SKAP1: variants seen among roughly 807,000 people sequenced by gnomAD.
SKAP1 encodes the protein src kinase associated phosphoprotein 1.
Under a neutral mutation model 58.5 loss-of-function variants are expected in SKAP1, and 44 were observed. The ratio of observed to expected loss-of-function variants is 0.75; its 90% CI spans 0.59 to 0.97. SKAP1 has a LOEUF of 0.97. Among genes scored for constraint, SKAP1 ranks in the 50% least tolerant of loss-of-function variants. The pLI, the probability that SKAP1 is intolerant of heterozygous loss-of-function variation, is 0.00. For missense variants in SKAP1, 390 were observed against 435.2 expected, an observed-to-expected ratio of 0.90 and a Z score of 0.92; for synonymous variants, 127 against 149.7, an observed-to-expected ratio of 0.85 and a Z score of 1.11.
intron 4 of SKAP1, among the ~76,000 whole-genome samples, chr17:48,297,333 G>T (rs779984240): frequency 2.0e-5 from 3 of 151,970 alleles, no homozygotes; most frequent in Non-Finnish European, 4.4e-5. Flanking sequence ...TTGTAGATAC[G>T]GGTAAATATA....
intron 11 of SKAP1, among the ~76,000 whole-genome samples, chr17:48,144,185 G>A (rs1456615883): frequency 6.6e-6 from 1 of 152,180 alleles, no homozygotes; most frequent in Non-Finnish European, 1.5e-5. Context: ...GAGCCTGGGA[G>A]CTTAATCAAA....
chr17:48,436,629 A>G, the SKAP1 span, among the ~76,000 whole-genome samples: 1 of 151,992 alleles, frequency 6.6e-6, no homozygotes, highest in Admixed American at 6.6e-5. Context: ...GCCTGCTAAC[A>G]TCCTTGGTCT....
At chr17:48,147,744 T>C (rs2063849243) in intron 11 of SKAP1, among the ~76,000 whole-genome samples, 2 of 152,174 alleles carry the variant, frequency 1.3e-5, no homozygotes, top group South Asian at 4.1e-4. Flanking sequence ...TTACAATCTG[T>C]TTTAAGTTCT....
intron 4 of SKAP1, among the ~76,000 whole-genome samples, chr17:48,301,260 T>C (rs1207217566): frequency 2.0e-5 from 3 of 152,192 alleles, no homozygotes; most frequent in African/African-American, 7.2e-5. Context: ...CTACTGAAAC[T>C]GCTCCTTGGA....
chr17:48,265,998 A>T (rs1031526789), intron 4 of SKAP1, among the ~76,000 whole-genome samples: 7 of 152,008 alleles, frequency 4.6e-5, no homozygotes, highest in African/African-American at 1.7e-4. Flanking sequence ...CTCTCTTGGG[A>T]TATTTACTCA....
chr17:48,243,326 T>C (rs548765920), intron 4 of SKAP1, among the ~76,000 whole-genome samples: 22 of 152,306 alleles, frequency 1.4e-4, no homozygotes, highest in African/African-American at 5.1e-4. Context: ...AAGCCCATGA[T>C]TGGGTATTTT....
At chr17:48,332,693 T>C (rs1307707158) in intron 4 of SKAP1, among the ~76,000 whole-genome samples, 1 of 152,160 alleles carries the variant, frequency 6.6e-6, no homozygotes, top group African/African-American at 2.4e-5. Context: ...TCTGCAGATA[T>C]AGCTTTCATG....
chr17:48,226,021 G>A (rs1048995594), intron 4 of SKAP1, among the ~76,000 whole-genome samples: 2 of 152,200 alleles, frequency 1.3e-5, no homozygotes. Context: ...TGGTCAGTGA[G>A]TAGCACAGCA....
At chr17:48,316,904 T>C (rs2066296396) in intron 4 of SKAP1, among the ~76,000 whole-genome samples, 1 of 152,322 alleles carries the variant, frequency 6.6e-6, no homozygotes, top group African/African-American at 2.4e-5. Flanking sequence ...ATACCATTCT[T>C]ATTTCATACA....
intron 4 of SKAP1, among the ~76,000 whole-genome samples, chr17:48,271,061 T>A (rs907156446): frequency 6.6e-6 from 1 of 152,164 alleles, no homozygotes; most frequent in Non-Finnish European, 1.5e-5. Flanking sequence ...TTTCTTTTTT[T>A]AAACATTTCC....
At chr17:48,336,230 G>A (rs1418711975) in intron 4 of SKAP1, among the ~76,000 whole-genome samples, 1 of 152,016 alleles carries the variant, frequency 6.6e-6, no homozygotes, top group Non-Finnish European at 1.5e-5. Context: ...CACTACACTG[G>A]TGTGCTCTCC....
chr17:48,225,327 T>G (rs2065055247), intron 4 of SKAP1, among the ~76,000 whole-genome samples: 1 of 152,158 alleles, frequency 6.6e-6, no homozygotes, highest in Non-Finnish European at 1.5e-5. Flanking sequence ...GTCAGAGATT[T>G]TAGGTCTTGT....
intron 3 of SKAP1, among the ~76,000 whole-genome samples, chr17:48,356,241 G>T (rs1378439154): frequency 6.6e-6 from 1 of 152,142 alleles, no homozygotes; most frequent in Non-Finnish European, 1.5e-5. Flanking sequence ...CTAGGTGACA[G>T]AGCGAGATTC....
At chr17:48,365,147 G>A (rs1160672563) in intron 2 of SKAP1, among the ~76,000 whole-genome samples, 1 of 151,802 alleles carries the variant, frequency 6.6e-6, no homozygotes, top group Non-Finnish European at 1.5e-5. Flanking sequence ...GTTTTGTAGC[G>A]ATGGGGTCTC....
chr17:48,394,072 C>T (rs1010724312), intron 2 of SKAP1, among the ~76,000 whole-genome samples: 3 of 151,858 alleles, frequency 2.0e-5, no homozygotes, highest in Non-Finnish European at 4.4e-5. Flanking sequence ...CCTGTCTCTA[C>T]AAAAAGTAAA....
chr17:48,408,075 A>G (rs545278551), intron 1 of SKAP1, among the ~76,000 whole-genome samples: 1 of 152,340 alleles, frequency 6.6e-6, no homozygotes, highest in Admixed American at 6.5e-5. Context: ...AAAAGTGGTA[A>G]GAGTTCAAGT....
At chr17:48,370,212 CA>C (rs1246998204) in intron 2 of SKAP1, among the ~76,000 whole-genome samples, 1 of 152,176 alleles carries the variant, frequency 6.6e-6, no homozygotes, top group Admixed American at 6.5e-5. Context: ...AGAAGACACA[CA>C]AGTGGCCAAC....
intron 1 of SKAP1, among the ~76,000 whole-genome samples, chr17:48,397,366 C>T (rs185661532): frequency 2.6e-5 from 4 of 152,338 alleles, no homozygotes; most frequent in Admixed American, 6.5e-5. Flanking sequence ...GCTGGGACTA[C>T]AGGCGCATGC....
intron 1 of SKAP1, among the ~76,000 whole-genome samples, chr17:48,407,742 T>C (rs1395528742): frequency 6.6e-6 from 1 of 151,926 alleles, no homozygotes; most frequent in Non-Finnish European, 1.5e-5. Context: ...TAGTCCCAGC[T>C]ACTTTGAAGG....
Sources: gnomAD v4.1 joint callset for allele counts (sites outside exome capture counted in the v4.1 genomes callset) on GRCh38, gnomAD v4.1.1 for gene constraint, MANE v1.5 for transcripts, NCBI Gene and HGNC (gene_info 2026-07-23, HGNC 2026-07-21) for gene names.